Variants in NRXN3 observed in about 807,000 individuals in gnomAD.
NRXN3 encodes the protein neurexin III.
NRXN3 carries 32 observed loss-of-function variants against 137.6 expected under a neutral mutation model. That is an observed-to-expected ratio of 0.23 (90% confidence interval 0.18 to 0.31). NRXN3 has a LOEUF of 0.31. Among genes scored for constraint, NRXN3 ranks in the 10% least tolerant of loss-of-function variants. NRXN3 has a pLI of 1.00. For synonymous variants in NRXN3, 798 were observed against 784.5 expected (o/e 1.02, Z -0.29); for missense variants, 1,574 against 2,062.5 (o/e 0.76, Z 4.59).
At chr14:78,549,479 G>T (rs1437672255) in intron 4 of NRXN3, among the ~76,000 whole-genome samples, 1 of 152,176 alleles carries the variant, frequency 6.6e-6, no homozygotes, top group Non-Finnish European at 1.5e-5. Context: ...TGTGAATCTT[G>T]ATCACCAAGC....
At chr14:79,073,776 A>C (rs1466522760) in intron 15 of NRXN3, among the ~76,000 whole-genome samples, 1 of 152,140 alleles carries the variant, frequency 6.6e-6, no homozygotes, top group African/African-American at 2.4e-5. Context: ...GCTATCAACT[A>C]TCAGTCTTTT....
At chr14:79,018,947 C>G (rs1185045020) in intron 15 of NRXN3, among the ~76,000 whole-genome samples, 1 of 152,224 alleles carries the variant, frequency 6.6e-6, no homozygotes, top group Admixed American at 6.5e-5. Context: ...TATTATCCTT[C>G]TCTACTTATT....
At chr14:79,577,662 C>G (rs923653679) in intron 16 of NRXN3, among the ~76,000 whole-genome samples, 1 of 152,166 alleles carries the variant, frequency 6.6e-6, no homozygotes, top group African/African-American at 2.4e-5. Context: ...ATAAACTCCT[C>G]AAGTGCAGAG....
At position 79,342,284 on chromosome 14, in the gene NRXN3, A is replaced by G. The variant is rs73325786; in HGVS notation, c.3263-124937A>G. On this transcript the variant is annotated intron_variant, in intron 15 of 20. Transcript: ENST00000335750. Reference sequence around the variant, plus strand: ...TTGATGCTGGGTTGAAATAGTCTCTAAGATGCAGACAGGTATAGATGTCCT... The same window carrying G: ...TTGATGCTGGGTTGAAATAGTCTCTGAGATGCAGACAGGTATAGATGTCCT... 9.2e-3 allele frequency among the ~76,000 whole-genome samples: 1,401 copies of G among 152,286 alleles called. 21 individuals are homozygous for G. The highest frequency in any genetic ancestry group is 0.032 in the African/African-American group (1,326 of 41,554).
chr14:78,892,709 T>C (rs1180562507), intron 10 of NRXN3, among the ~76,000 whole-genome samples: 1 of 151,354 alleles, frequency 6.6e-6, no homozygotes, highest in Admixed American at 6.6e-5. Flanking sequence ...TTATCTCTGC[T>C]CTTTCTTGAC....
At chr14:79,323,064 T>C (rs1434872061) in intron 15 of NRXN3, among the ~76,000 whole-genome samples, 1 of 152,224 alleles carries the variant, frequency 6.6e-6, no homozygotes, top group African/African-American at 2.4e-5. Flanking sequence ...ACACGGGGTC[T>C]AGCTCTGTTG....
At chr14:79,094,979 A>AGAGAGTGTGTGTGTGT (rs553957969) in intron 15 of NRXN3, among the ~76,000 whole-genome samples, 233 of 115,914 alleles carry the variant, frequency 2.0e-3, no homozygotes, top group African/African-American at 6.7e-3. Flanking sequence ...AGAGAGAGAG[A>AGAGAGTGTGTGTGTGT]GTGTGTGTGT....
At chr14:79,697,997 A>G in intron 19 of NRXN3, 60 bp downstream of exon 19, 2 of 1,453,314 alleles carry the variant, frequency 1.4e-6, no homozygotes, top group South Asian at 1.2e-5. Context: ...CATTGTTATC[A>G]TGGTCATTGC....
rs551151880 is a variant in NRXN3, at chr14:79,316,218, T to A, written c.3263-151003T>A. Among the ~76,000 whole-genome samples the A allele has an allele frequency of 2.0e-5, 3 of 152,344 alleles. No individual in the cohort carries two copies. In the East Asian group the frequency reaches 5.8e-4, roughly 29 times the overall value. ...GTAAGAGTACCATGCAAACATTTGC[T>A]TGTTTCCAACACCTTGTAAATGTAT... On this transcript the variant is annotated intron_variant, in intron 15 of 20. Transcript: ENST00000335750.
intron 15 of NRXN3, among the ~76,000 whole-genome samples, chr14:79,018,273 AAAAAAAAAAAAAAAAAAAAAAAAGAGAG>A (rs2099582850): frequency 7.9e-6 from 1 of 126,684 alleles, no homozygotes; most frequent in Non-Finnish European, 1.6e-5. Flanking sequence ...AAAAAAAAAA[AAAAAAAAAAAAAAAAAAAAAAAAGAGAG>A]AGAGCAAGAA....
At chr14:78,663,808 T>C (rs983300886) in intron 6 of NRXN3, among the ~76,000 whole-genome samples, 7 of 152,184 alleles carry the variant, frequency 4.6e-5, no homozygotes, top group Non-Finnish European at 5.9e-5. Context: ...ACATTCCTAC[T>C]GAGACAAAAT....
chr14:78,647,675 C>G (rs2097700691), intron 5 of NRXN3, among the ~76,000 whole-genome samples: 1 of 152,168 alleles, frequency 6.6e-6, no homozygotes, highest in Admixed American at 6.5e-5. Flanking sequence ...AATTGAACCT[C>G]ATTGAAATTC....
At chr14:79,751,794 T>G (rs2098998777) in intron 19 of NRXN3, among the ~76,000 whole-genome samples, 1 of 151,940 alleles carries the variant, frequency 6.6e-6, no homozygotes, top group Admixed American at 6.6e-5. Flanking sequence ...GCTGTTGAAT[T>G]TTGTCAAAGG....
rs17109694 is a variant in NRXN3 at position 79,663,349 on chromosome 14, G to A, written c.3445-429G>A. ...TGTACACCTCTGCTTTGCCTTGATCGCATGAAAATATGCTGAGAAGCTCAT... is the reference window on the plus strand; with the variant it reads ...TGTACACCTCTGCTTTGCCTTGATCACATGAAAATATGCTGAGAAGCTCAT... On this transcript the variant is annotated intron_variant, in intron 16 of 20. Transcript: ENST00000335750. Among the ~76,000 whole-genome samples, 1,383 of 151,918 alleles carry A rather than the reference G, an allele frequency of 9.1e-3. 20 individuals are homozygous for A. Among genetic ancestry groups the A allele is most frequent in the African/African-American group, 0.031 (1,303 of 41,426 alleles).
intron 15 of NRXN3, among the ~76,000 whole-genome samples, chr14:79,375,062 G>C (rs1270299096): frequency 1.3e-5 from 2 of 152,052 alleles, no homozygotes; most frequent in Non-Finnish European, 2.9e-5. Flanking sequence ...CATCCACCTA[G>C]TGCTCCTGAT....
chr14:79,498,659 C>A (rs2096790302), intron 16 of NRXN3, among the ~76,000 whole-genome samples: 1 of 152,228 alleles, frequency 6.6e-6, no homozygotes, highest in African/African-American at 2.4e-5. Flanking sequence ...CAAAATTAGA[C>A]CACTTCTCAC....
At chr14:78,737,154 G>T (rs886759961) in intron 8 of NRXN3, among the ~76,000 whole-genome samples, 2 of 151,976 alleles carry the variant, frequency 1.3e-5, no homozygotes, top group Non-Finnish European at 2.9e-5. Context: ...TCTACCTACC[G>T]TTCTTCCTAC....
At chr14:79,512,456 A>G (rs1246506346) in intron 16 of NRXN3, among the ~76,000 whole-genome samples, 3 of 152,228 alleles carry the variant, frequency 2.0e-5, no homozygotes, top group African/African-American at 7.2e-5. Context: ...ATCTATAAAC[A>G]ATGTTATTTA....
intron 15 of NRXN3, among the ~76,000 whole-genome samples, chr14:79,126,416 T>C (rs1003672692): frequency 4.7e-4 from 68 of 143,706 alleles, no homozygotes; most frequent in African/African-American, 8.6e-4. Flanking sequence ...TGAGTGAGAA[T>C]ATGCGGTGTT....
Sources: gnomAD v4.1 joint callset for allele counts (sites outside exome capture counted in the v4.1 genomes callset) on GRCh38, gnomAD v4.1.1 for gene constraint, MANE v1.5 for transcripts, NCBI Gene and HGNC (gene_info 2026-07-23, HGNC 2026-07-21) for gene names.